TAFA1: variants seen among roughly 807,000 people sequenced by gnomAD.
The protein encoded by TAFA1 is TAFA chemokine like family member 1.
A neutral mutation model predicts 18.5 loss-of-function variants in TAFA1; 4 were observed. That is an observed-to-expected ratio of 0.22 (90% CI 0.11 to 0.49). The LOEUF (loss-of-function observed/expected upper bound fraction) is 0.49, where lower values mean the gene tolerates loss of function less well. Ranked by LOEUF, TAFA1 falls within the 20% of genes least tolerant of loss-of-function variation. The pLI, the probability that TAFA1 is intolerant of heterozygous loss-of-function variation, is 0.98. For missense variants in TAFA1, 147 were observed against 169.0 expected (o/e 0.87, Z 0.72); for synonymous variants, 56 against 55.2 (o/e 1.01, Z -0.06).
intron 2 of TAFA1, among the ~76,000 whole-genome samples, chr3:68,127,316 G>A (rs542670883): frequency 2.0e-5 from 3 of 152,218 alleles, no homozygotes; most frequent in Admixed American, 2.0e-4. Flanking sequence ...TGGACAAAGG[G>A]CGGAATATTT....
At chr3:68,046,275 A>G (rs1008295997) in intron 2 of TAFA1, among the ~76,000 whole-genome samples, 1 of 152,202 alleles carries the variant, frequency 6.6e-6, no homozygotes, top group Non-Finnish European at 1.5e-5. Flanking sequence ...GCCTATATTG[A>G]TAAGGTTATA....
At chr3:68,015,478 G>A (rs1319031148) in intron 2 of TAFA1, among the ~76,000 whole-genome samples, 3 of 151,908 alleles carry the variant, frequency 2.0e-5, no homozygotes, top group African/African-American at 7.3e-5. Flanking sequence ...GAAGAGACGA[G>A]GGTTTCACCA....
intron 2 of TAFA1, among the ~76,000 whole-genome samples, chr3:68,218,518 A>G (rs547671944): frequency 1.3e-5 from 2 of 152,126 alleles, no homozygotes; most frequent in Non-Finnish European, 2.9e-5. Flanking sequence ...TTGTGTCTTT[A>G]TATCTCATAT....
At chr3:68,420,741 C>A (rs2070939613) in intron 3 of TAFA1, among the ~76,000 whole-genome samples, 1 of 152,088 alleles carries the variant, frequency 6.6e-6, no homozygotes, top group African/African-American at 2.4e-5. Context: ...CCCTGCGCCC[C>A]CGAATCCCCA....
chr3:68,391,348 G>C (rs192253608), intron 2 of TAFA1, among the ~76,000 whole-genome samples: 4 of 152,250 alleles, frequency 2.6e-5, no homozygotes. Flanking sequence ...AAGCCTCCAA[G>C]AAACATGGGA....
chr3:68,416,563 A>T (rs748569776), intron 2 of TAFA1, among the ~76,000 whole-genome samples: 6 of 152,178 alleles, frequency 3.9e-5, no homozygotes, highest in African/African-American at 7.2e-5. Context: ...TTGGATGCTT[A>T]TCAGCCTTTA....
intron 2 of TAFA1, among the ~76,000 whole-genome samples, chr3:68,340,352 A>G (rs1440287217): frequency 6.6e-6 from 1 of 152,230 alleles, no homozygotes; most frequent in South Asian, 2.1e-4. Context: ...TGAAATCCAT[A>G]TAACTAAACT....
At chr3:68,434,667 T>A (rs2071239179) in intron 3 of TAFA1, among the ~76,000 whole-genome samples, 1 of 152,142 alleles carries the variant, frequency 6.6e-6, no homozygotes, top group Non-Finnish European at 1.5e-5. Context: ...AAGGTAGAAT[T>A]ACTCAATATA....
intron 2 of TAFA1, among the ~76,000 whole-genome samples, chr3:68,080,410 G>C (rs1032506692): frequency 6.6e-6 from 1 of 151,990 alleles, no homozygotes; most frequent in African/African-American, 2.4e-5. Flanking sequence ...TCCTAGTCTC[G>C]ATGGTCTTTA....
At chr3:68,366,845 A>G (rs183057638) in intron 2 of TAFA1, among the ~76,000 whole-genome samples, 4 of 152,342 alleles carry the variant, frequency 2.6e-5, no homozygotes, top group African/African-American at 9.6e-5. Context: ...ATTTATTATT[A>G]GAAGCAAGAT....
chr3:68,052,898 G>T (rs1165506738), intron 2 of TAFA1, among the ~76,000 whole-genome samples: 1 of 152,148 alleles, frequency 6.6e-6, no homozygotes, highest in South Asian at 2.1e-4. Flanking sequence ...GTTCAAATTA[G>T]AACTGGATTT....
chr3:68,412,778 G>A (rs1356588480), intron 2 of TAFA1, among the ~76,000 whole-genome samples: 1 of 152,108 alleles, frequency 6.6e-6, no homozygotes, highest in African/African-American at 2.4e-5. Flanking sequence ...GTCTATCATT[G>A]GTGGACATTT....
At chr3:68,529,234 G>A (rs1219723567) in intron 3 of TAFA1, among the ~76,000 whole-genome samples, 2 of 151,628 alleles carry the variant, frequency 1.3e-5, no homozygotes, top group African/African-American at 4.8e-5. Flanking sequence ...TCCTAACGTT[G>A]CCCTCCACCC....
intron 3 of TAFA1, among the ~76,000 whole-genome samples, chr3:68,423,782 G>A (rs2071004504): frequency 6.6e-6 from 1 of 151,690 alleles, no homozygotes; most frequent in Non-Finnish European, 1.5e-5. Flanking sequence ...GGACAAATAT[G>A]GGGGGTGGGG....
intron 2 of TAFA1, among the ~76,000 whole-genome samples, chr3:68,012,380 C>G (rs540904645): frequency 6.6e-6 from 1 of 152,200 alleles, no homozygotes; most frequent in Non-Finnish European, 1.5e-5. Flanking sequence ...TAAATCATAG[C>G]ACATCCACAC....
chr3:68,407,581 G>A (rs746673499), intron 2 of TAFA1, among the ~76,000 whole-genome samples: 14 of 152,126 alleles, frequency 9.2e-5, no homozygotes, highest in South Asian at 2.1e-4. Context: ...AACCAAGACC[G>A]TTGACCCAGC....
intron 2 of TAFA1, among the ~76,000 whole-genome samples, chr3:68,041,373 C>T (rs1705161496): frequency 6.6e-6 from 1 of 152,196 alleles, no homozygotes; most frequent in Admixed American, 6.5e-5. Flanking sequence ...TTAGAGAACA[C>T]ACATATATGC....
At position 68,371,874 on chromosome 3, in the gene TAFA1, T is replaced by C. The variant is rs905650929; in HGVS notation, c.119-45406T>C. 3.9e-5 allele frequency among the ~76,000 whole-genome samples: 6 copies of C among 152,222 alleles called. No homozygotes were observed. The East Asian group carries it at 9.6e-4, about 24-fold the overall frequency. On this transcript the variant is annotated intron_variant, in intron 2 of 4. Transcript: ENST00000478136. ...TTGGGAATGGTGCTACTGGTCAGTG[T>C]CAGTACCAGCTAATTGCTCCCATGG...
At position 68,315,290 on chromosome 3, in the gene TAFA1, AC is replaced by A. The variant is rs1482294065; in HGVS notation, c.119-101988del. The stretch of plus-strand genomic sequence containing the variant: ...AAACTTGTCCGAGACATGCTTAGTT[AC>A]CAAGTACATGCTTGATTCTGTCATG... On this transcript the variant is annotated intron_variant, in intron 2 of 4. Transcript: ENST00000478136. 2.6e-5 allele frequency among the ~76,000 whole-genome samples: 4 copies of A among 152,174 alleles called. No homozygotes were observed. The East Asian group carries it at 7.7e-4, about 29-fold the overall frequency.
Sources: allele counts gnomAD v4.1 joint callset (sites outside exome capture counted in the v4.1 genomes callset), GRCh38; gene constraint gnomAD v4.1.1; transcripts MANE v1.5; gene names NCBI Gene and HGNC (gene_info 2026-07-23, HGNC 2026-07-21).